IFT25: variants seen among roughly 807,000 people sequenced by gnomAD.
The protein encoded by IFT25 is intraflagellar transport protein 25 homolog.
At chr1:53,920,195 C>T in the IFT25 span, among the ~76,000 whole-genome samples, 21 of 152,178 alleles carry the variant, frequency 1.4e-4, no homozygotes, top group African/African-American at 4.6e-4. Flanking sequence ...TATGTCTGTA[C>T]ATGATAGATG....
At chr1:53,944,600 C>T in the IFT25 span, among the ~76,000 whole-genome samples, 7 of 152,198 alleles carry the variant, frequency 4.6e-5, no homozygotes, top group Non-Finnish European at 1.0e-4. Context: ...GGCGAGACCG[C>T]GCCACTGCAC....
At chr1:53,936,518 T>C in the IFT25 span, among the ~76,000 whole-genome samples, 101 of 152,314 alleles carry the variant, frequency 6.6e-4, no homozygotes, top group Non-Finnish European at 3.2e-4. Context: ...AAGTGGTAGT[T>C]TTCTTTTAAA....
chr1:53,934,905 A>G, the IFT25 span, among the ~76,000 whole-genome samples: 1 of 152,252 alleles, frequency 6.6e-6, no homozygotes, highest in Non-Finnish European at 1.5e-5. Context: ...AGGCTGGGAC[A>G]TGAGAATCAC....
chr1:53,945,394 G>C, the IFT25 span, among the ~76,000 whole-genome samples: 1 of 152,158 alleles, frequency 6.6e-6, no homozygotes, highest in Non-Finnish European at 1.5e-5. Context: ...GCGGGCCCGC[G>C]TCAGACCTCC....
At chr1:53,920,402 T>A in the IFT25 span, among the ~76,000 whole-genome samples, 1 of 151,766 alleles carries the variant, frequency 6.6e-6, no homozygotes, top group Non-Finnish European at 1.5e-5. Context: ...CCTTTTTTTT[T>A]TTTTTTTCTA....
the IFT25 span, among the ~76,000 whole-genome samples, chr1:53,927,495 T>C: frequency 6.6e-6 from 1 of 152,314 alleles, no homozygotes; most frequent in Admixed American, 6.5e-5. Flanking sequence ...ATATCTGGTC[T>C]CCTGAGCCTC....
the IFT25 span, among the ~76,000 whole-genome samples, chr1:53,931,161 T>G: frequency 1.3e-5 from 2 of 152,202 alleles, no homozygotes; most frequent in Non-Finnish European, 2.9e-5. Flanking sequence ...TATGCTACAA[T>G]GTTTCCATTC....
At chr1:53,928,354 T>C in the IFT25 span, 6 of 1,588,944 alleles carry the variant, frequency 3.8e-6, no homozygotes, top group Admixed American at 1.0e-4. Flanking sequence ...CTCAGAACAA[T>C]GCTGGTGAAA....
At chr1:53,944,618 T>G in the IFT25 span, among the ~76,000 whole-genome samples, 1 of 152,222 alleles carries the variant, frequency 6.6e-6, no homozygotes, top group Non-Finnish European at 1.5e-5. Context: ...CACTCCAGCG[T>G]GGGCGACGAG....
chr1:53,928,144 A>G, the IFT25 span, among the ~76,000 whole-genome samples: 1 of 152,232 alleles, frequency 6.6e-6, no homozygotes, highest in East Asian at 1.9e-4. Context: ...CATTTTCCTA[A>G]TAAGGATTCT....
At chr1:53,943,188 T>C in the IFT25 span, among the ~76,000 whole-genome samples, 15 of 152,202 alleles carry the variant, frequency 9.9e-5, no homozygotes, top group Non-Finnish European at 2.2e-4. Context: ...TTAAATTTCT[T>C]TCATCCCTGA....
At chr1:53,925,879 C>T in the IFT25 span, among the ~76,000 whole-genome samples, 192 of 150,666 alleles carry the variant, frequency 1.3e-3, 1 homozygote, top group Non-Finnish European at 1.9e-3. Context: ...GGTGGGTGGA[C>T]GATTTGAGGT....
At chr1:53,942,675 T>A in the IFT25 span, among the ~76,000 whole-genome samples, 12 of 152,332 alleles carry the variant, frequency 7.9e-5, no homozygotes, top group South Asian at 2.3e-3. Flanking sequence ...TGGAATGCTA[T>A]CTTAGAGTTA....
the IFT25 span, among the ~76,000 whole-genome samples, chr1:53,931,553 T>C: frequency 6.6e-6 from 1 of 152,248 alleles, no homozygotes; most frequent in South Asian, 2.1e-4. Flanking sequence ...CCATAATAGA[T>C]ATGAGGCTGT....
the IFT25 span, among the ~76,000 whole-genome samples, chr1:53,938,605 G>C: frequency 1.3e-5 from 2 of 152,154 alleles, no homozygotes; most frequent in South Asian, 2.1e-4. Flanking sequence ...ATGATTAAAA[G>C]TAGTACTTAA....
chr1:53,926,851 T>C, the IFT25 span, among the ~76,000 whole-genome samples: 1 of 152,046 alleles, frequency 6.6e-6, no homozygotes, highest in African/African-American at 2.4e-5. Flanking sequence ...GCCTCCCAAG[T>C]AGCTACGATT....
the IFT25 span, among the ~76,000 whole-genome samples, chr1:53,938,997 C>G: frequency 1.4e-5 from 2 of 143,668 alleles, no homozygotes; most frequent in African/African-American, 2.7e-5. Context: ...TCGCTTGAAC[C>G]TGGGAGGCAG....
chr1:53,937,797 G>C, the IFT25 span, among the ~76,000 whole-genome samples: 1 of 152,146 alleles, frequency 6.6e-6, no homozygotes, highest in African/African-American at 2.4e-5. Context: ...AACAACTTAA[G>C]GCAAATCTCC....
the IFT25 span, among the ~76,000 whole-genome samples, chr1:53,914,396 G>C: frequency 6.6e-6 from 1 of 152,008 alleles, no homozygotes; most frequent in Admixed American, 6.6e-5. Context: ...AATGTTTTGA[G>C]AAAGGGGATG....
Sources: gnomAD v4.1 joint callset for allele counts (sites outside exome capture counted in the v4.1 genomes callset) on GRCh38, gnomAD v4.1.1 for gene constraint, MANE v1.5 for transcripts, NCBI Gene and HGNC (gene_info 2026-07-23, HGNC 2026-07-21) for gene names.